The following HADHB variants were observed in gnomAD, a reference collection of about 807,000 sequenced individuals.
HADHB encodes hydroxyacyl-CoA dehydrogenase trifunctional multienzyme complex subunit beta.
HADHB carries 50 observed loss-of-function variants against 61.9 expected under a neutral mutation model. That is an observed-to-expected ratio of 0.81 (90% CI 0.64 to 1.02). HADHB has a LOEUF of 1.02. Ranked by LOEUF, HADHB falls within the 50% of genes least tolerant of loss-of-function variation. The probability of loss-of-function intolerance (pLI) is 0.00; values close to 1 mark genes in which losing one functional copy is unlikely to be tolerated. For synonymous variants in HADHB, 191 were observed against 201.6 expected, an observed-to-expected ratio of 0.95 and a Z score of 0.45; for missense variants, 504 against 586.5, an observed-to-expected ratio of 0.86 and a Z score of 1.45.
chr2:26,247,922 T>C (rs1404722386), intron 1 of HADHB, among the ~76,000 whole-genome samples: 1 of 152,146 alleles, frequency 6.6e-6, no homozygotes. Flanking sequence ...ATATAGATTT[T>C]AAATAAAACT....
chr2:26,280,071 A>G lies in HADHB; in HGVS notation c.889A>G (p.Ile297Val). 1.2e-6 allele frequency: 2 copies of G among 1,612,272 alleles called. No homozygotes were observed. The highest frequency in any genetic ancestry group is 1.1e-5 in the South Asian group (1 of 91,028). ...GATGGCCAAACTAAAACCTGCATTC[A>G]TCAAGCCCTACGGCACAGTGACAGC... is the stretch of plus-strand genomic sequence containing the variant. ...EQMAKLKPAF[I>V]KPYGTVTAAN... The change falls in exon 10 of 16, where the codon ATC (isoleucine) becomes GTC (valine). Residue 297 changes from isoleucine (I) to valine (V), a missense_variant. By Grantham distance (29) the Ile-to-Val change is conservative (BLOSUM62 3). Transcript: ENST00000317799.
rs201047711 is a variant in HADHB at position 26,265,892 on chromosome 2, CAA to C, written c.209+2416_209+2417del. On this transcript the variant is annotated intron_variant, in intron 4 of 15. Transcript: ENST00000317799. ...TTTAAGGCAATATTCATGTAAAGAA[CAA>C]AAGTCACTAAAAAATAACATTAGAG... 8.9e-4 allele frequency among the ~76,000 whole-genome samples: 136 copies of C among 151,970 alleles called. 1 individual carries two copies. The East Asian group carries it at 0.025, about 28-fold the overall frequency.
intron 7 of HADHB, 143 bp from the exon 8 acceptor site, chr2:26,278,471 C>A: frequency 1.4e-6 from 1 of 738,120 alleles, no homozygotes; most frequent in Non-Finnish European, 2.4e-6. Flanking sequence ...TACCTTAATT[C>A]TTCTGAAAAG....
chr2:26,252,534 A>G (rs1671441356), intron 1 of HADHB, among the ~76,000 whole-genome samples: 1 of 152,214 alleles, frequency 6.6e-6, no homozygotes. Flanking sequence ...GGGATTTTAT[A>G]CTGATACAAG....
At chr2:26,277,937 A>G (rs1024674623) in intron 7 of HADHB, among the ~76,000 whole-genome samples, 3 of 152,194 alleles carry the variant, frequency 2.0e-5, no homozygotes, top group African/African-American at 7.2e-5. Context: ...CATCCTTGTC[A>G]TTTTTATAAA....
At chr2:26,259,324 A>T (rs1325033615) in intron 3 of HADHB, among the ~76,000 whole-genome samples, 1 of 152,188 alleles carries the variant, frequency 6.6e-6, no homozygotes, top group South Asian at 2.1e-4. Context: ...CAGCCCTGAG[A>T]AGCTGGAGCT....
intron 3 of HADHB, among the ~76,000 whole-genome samples, chr2:26,258,763 C>CT (rs1671741604): frequency 6.6e-6 from 1 of 152,188 alleles, no homozygotes. Context: ...GCTCAAATGC[C>CT]TGGGGTTTAT....
Position 26,278,730 on chromosome 2 carries a change from A to G in HADHB, c.559A>G (p.Asn187Asp). ...RKMRKLMLDL[N>D]KAKSMGQRLS... ...AATGAGAAAACTGATGCTTGATCTC[A>G]ATAAGGCCAAATCTATGGGCCAGCG... The change falls in exon 8 of 16, where the codon AAT becomes GAT. Residue 187 changes from asparagine to aspartate, a missense_variant. By Grantham distance (23) the Asn-to-Asp change is conservative. Transcript: ENST00000317799. 5 of 1,614,142 alleles carry G rather than the reference A, an allele frequency of 3.1e-6. No homozygotes were observed. Among genetic ancestry groups the G allele is most frequent in the Non-Finnish European group, 4.2e-6 (5 of 1,179,972 alleles).
intron 5 of HADHB, among the ~76,000 whole-genome samples, chr2:26,272,250 C>A (rs927621041): frequency 1.3e-5 from 2 of 151,730 alleles, no homozygotes; most frequent in Non-Finnish European, 2.9e-5. Context: ...ATATAATTTG[C>A]ATGCAATAAA....
chr2:26,259,351 T>C (rs1016362624), intron 3 of HADHB, among the ~76,000 whole-genome samples: 1 of 152,230 alleles, frequency 6.6e-6, no homozygotes, highest in African/African-American at 2.4e-5. Context: ...TTTTATTCAG[T>C]GTAGGCACAG....
intron 1 of HADHB, among the ~76,000 whole-genome samples, chr2:26,252,611 T>A (rs568273509): frequency 6.6e-6 from 1 of 152,372 alleles, no homozygotes; most frequent in South Asian, 2.1e-4. Context: ...ATTTTGCACC[T>A]TGCTTTCTTC....
intron 3 of HADHB, among the ~76,000 whole-genome samples, chr2:26,256,916 C>T (rs1205733933): frequency 6.6e-6 from 1 of 152,114 alleles, no homozygotes; most frequent in Non-Finnish European, 1.5e-5. Context: ...CTATTGAATA[C>T]ATAATTGGCC....
At chr2:26,278,539 A>T in intron 7 of HADHB, 75 bp from the exon 8 acceptor site, 9 of 1,275,726 alleles carry the variant, frequency 7.1e-6, no homozygotes, top group Non-Finnish European at 1.0e-5. Context: ...CAGCTTTTTA[A>T]TCAAGAAGCT....
chr2:26,250,518 C>T (rs2147796857), intron 1 of HADHB, among the ~76,000 whole-genome samples: 1 of 151,986 alleles, frequency 6.6e-6, no homozygotes, highest in African/African-American at 2.4e-5. Flanking sequence ...TGTTGAAATC[C>T]CTTCTCCATC....
chr2:26,265,732 C>G lies in HADHB; in HGVS notation c.209+2253C>G, dbSNP rs534183884. ...TTTACCAAATTGGCATAGGGTTGTT[C>G]CTTTCTTTGTTGTGTATTGTGTTTT... is the stretch of plus-strand genomic sequence containing the variant. On this transcript the variant is annotated intron_variant, in intron 4 of 15. Transcript: ENST00000317799. 3.9e-5 allele frequency among the ~76,000 whole-genome samples: 6 copies of G among 152,246 alleles called. No individual in the cohort carries two copies. In the South Asian group the frequency reaches 1.2e-3, roughly 32 times the overall value.
In HADHB at chr2:26,260,992, G is replaced by GAC. The variant is rs910241689; in HGVS notation, c.110-2387_110-2386dup. ...GCTTCTTTGCCTAGAGAGAGAATCTGACCAACACAGTTGATCACTTGTAGG... is the reference window on the plus strand; with the variant it reads ...GCTTCTTTGCCTAGAGAGAGAATCTGACACCAACACAGTTGATCACTTGTAGG... On this transcript the variant is annotated intron_variant, in intron 3 of 15. Coordinates refer to ENST00000317799, the MANE Select transcript of HADHB (RefSeq NM_000183.3). 4 of 1,512,148 alleles carry GAC rather than the reference G, an allele frequency of 2.6e-6. No individual in the cohort carries two copies. In the African/African-American group the frequency reaches 4.1e-5, roughly 16 times the overall value. The allele number at this position is 1,512,148 out of a possible 1,614,324, so 93.7% of individuals were successfully genotyped here.
rs1351229938 is a variant in HADHB, at chr2:26,289,960, CAGA to C, written c.*13_*15del. The stretch of plus-strand genomic sequence containing the variant: ...GGAAGCTTATCCAAAATAATAGATC[CAGA>C]AGAAGTGACCTGAAGTTTCTGTGCA... On this transcript the variant is annotated 3_prime_UTR_variant, in exon 16 of 16. Transcript: ENST00000317799. 1.3e-6 allele frequency: 2 copies of C among 1,596,574 alleles called. No homozygotes were observed. The highest frequency in any genetic ancestry group is 2.7e-5 in the African/African-American group (2 of 74,548).
chr2:26,287,088 C>T (rs774277288), intron 15 of HADHB, among the ~76,000 whole-genome samples: 1 of 151,858 alleles, frequency 6.6e-6, no homozygotes, highest in Non-Finnish European at 1.5e-5. Flanking sequence ...CCTGTAATTC[C>T]AGCTACTCAG....
intron 4 of HADHB, among the ~76,000 whole-genome samples, chr2:26,266,871 C>CAGAAAAAAAA (rs1672104788): frequency 2.2e-5 from 1 of 45,426 alleles, no homozygotes; most frequent in Non-Finnish European, 3.8e-5. Context: ...CACTCTCTCT[C>CAGAAAAAAAA]AAAAAAAAAA....
Sources: allele counts gnomAD v4.1 joint callset (sites outside exome capture counted in the v4.1 genomes callset), GRCh38; gene constraint gnomAD v4.1.1; transcripts MANE v1.5; gene names NCBI Gene and HGNC (gene_info 2026-07-23, HGNC 2026-07-21).